The following OR2AJ1 variants were observed in gnomAD, a reference collection of about 807,000 sequenced individuals.
OR2AJ1 encodes olfactory receptor 2AJ1.
For missense variants in OR2AJ1, 280 were observed against 163.2 expected, an observed-to-expected ratio of 1.72 and a Z score of -3.90; for synonymous variants, 105 against 60.3, an observed-to-expected ratio of 1.74 and a Z score of -3.44.
Position 247,924,966 on chromosome 1 carries a change from G to C in OR2AJ1, c.-225G>C, listed in dbSNP as rs1660070784. 1 of 152,238 alleles carries C rather than the reference G, an allele frequency of 6.6e-6. No homozygotes were observed. The highest frequency in any genetic ancestry group is 1.5e-5 in the Non-Finnish European group (1 of 68,136). 9.4% of individuals were successfully genotyped at this position (152,238 alleles called of 1,614,324 possible). On this transcript the variant is annotated 5_prime_UTR_variant, in exon 1 of 2. Coordinates refer to ENST00000318244, the MANE Select transcript of OR2AJ1 (RefSeq NM_001355235.2). ...TCAAATCACATATCCCCTTCTCCCT[G>C]TAAACTGTCAGCTAATCGGAAGGAA...
At chr1:247,926,674 C>A (rs1211025843) in intron 1 of OR2AJ1, among the ~76,000 whole-genome samples, 1 of 152,200 alleles carries the variant, frequency 6.6e-6, no homozygotes, top group Non-Finnish European at 1.5e-5. Context: ...GTGGTACAAC[C>A]AGACTTAGGT....
In OR2AJ1 at chr1:247,934,159, C is replaced by T. The variant is rs61750766; in HGVS notation, c.391C>T (p.Arg131Cys). The change falls in exon 2 of 2, where the codon CGC becomes TGC. Residue 131 changes from arginine (R) to cysteine (C), a missense_variant. Physicochemically the swap from Arg to Cys is radical, Grantham distance 180. Transcript: ENST00000318244. ...CTATGTGGCTATCTGTCACCCGCTG[C>T]GCTATCCGATTCTTATGAAGGAGTA... ...DRYVAICHPL[R>C]YPILMKEYAS... 11,488 of 718,562 alleles carry T rather than the reference C, an allele frequency of 0.016. 131 individuals carry two copies. The highest frequency in any genetic ancestry group is 0.023 in the Non-Finnish European group (8,846 of 385,644). The allele number at this position is 718,562 out of a possible 1,614,324, so 44.5% of individuals were successfully genotyped here. A position where few individuals can be genotyped will look rare whatever the true frequency, so the allele number is the denominator to read the frequency against.
chr1:247,934,990 T>C lies in OR2AJ1; in HGVS notation c.*235T>C. On this transcript the variant is annotated 3_prime_UTR_variant, in exon 2 of 2. Transcript: ENST00000318244. ...GGCGTCCTATTCCCTAACACCAAAA[T>C]TGTAAGACTTATGAGAATATCCCTA... The C allele has an allele frequency of 2.6e-6, 1 of 384,688 alleles. No homozygotes were observed. Among genetic ancestry groups the C allele is most frequent in the East Asian group, 4.3e-5 (1 of 23,432 alleles). The allele number at this position is 384,688 out of a possible 1,614,324, so 23.8% of individuals were successfully genotyped here.
Position 247,934,424 on chromosome 1 carries a change from G to A in OR2AJ1, c.656G>A (p.Gly219Asp). ...TTCTCCTTGATCTCTGCTTCTTATGGCCAAATTATTCTTACTGTCCTCCAG... is the reference window on the plus strand; with the variant it reads ...TTCTCCTTGATCTCTGCTTCTTATGACCAAATTATTCTTACTGTCCTCCAG... ...IPFSLISASY[G>D]QIILTVLQMK... The change falls in exon 2 of 2, where the codon GGC becomes GAC. Residue 219 changes from glycine (G) to aspartate (D), a missense_variant. Coordinates refer to ENST00000318244, the MANE Select transcript of OR2AJ1 (RefSeq NM_001355235.2). 2.8e-6 allele frequency: 2 copies of A among 717,456 alleles called. No homozygotes were observed. Among genetic ancestry groups the A allele is most frequent in the Non-Finnish European group, 5.2e-6 (2 of 385,134 alleles). The allele number at this position is 717,456 out of a possible 1,614,324, so 44.4% of individuals were successfully genotyped here.
At position 247,925,047 on chromosome 1, in the gene OR2AJ1, T is replaced by C. The variant is rs1339097768; in HGVS notation, c.-144T>C. ...TGAGTCACTCTCAAGGACATGACAT[T>C]GAAACAAACATCTGAGTAGCATGAA... On this transcript the variant is annotated 5_prime_UTR_variant, in exon 1 of 2. Coordinates refer to ENST00000318244, the MANE Select transcript of OR2AJ1 (RefSeq NM_001355235.2). 6.6e-6 allele frequency: 1 copy of C among 152,206 alleles called. No individual in the cohort carries two copies. Among genetic ancestry groups the C allele is most frequent in the Non-Finnish European group, 1.5e-5 (1 of 68,108 alleles). The allele number at this position is 152,206 out of a possible 1,614,324, so 9.4% of individuals were successfully genotyped here. A position where few individuals can be genotyped will look rare whatever the true frequency, so the allele number is the denominator to read the frequency against.
chr1:247,925,351 CAG>C lies in OR2AJ1; in HGVS notation c.-23+186_-23+187del, dbSNP rs542449196. On this transcript the variant is annotated intron_variant, in intron 1 of 1. Transcript: ENST00000318244. ...CTGTAGATTAAACATGATGTTCTGA[CAG>C]AGCAGATTCTGAGGGGGAGAGAGTC... Among the ~76,000 whole-genome samples the C allele has an allele frequency of 5.9e-5, 9 of 152,228 alleles. No homozygotes were observed. The East Asian group carries it at 1.7e-3, about 29-fold the overall frequency.
intron 1 of OR2AJ1, among the ~76,000 whole-genome samples, chr1:247,926,537 TG>T (rs1347530338): frequency 6.6e-6 from 1 of 152,240 alleles, no homozygotes; most frequent in East Asian, 1.9e-4. Flanking sequence ...ATAATGCTAT[TG>T]CTTTTTTGAT....
intron 1 of OR2AJ1, among the ~76,000 whole-genome samples, chr1:247,925,572 T>G (rs4925782): frequency 0.71 from 107,390 of 151,430 alleles, 38,568 homozygotes; most frequent in Middle Eastern, 0.77. Flanking sequence ...CACTGGAAAT[T>G]AGAACTAAAT....
intron 1 of OR2AJ1, among the ~76,000 whole-genome samples, chr1:247,931,268 A>G (rs548772139): frequency 1.3e-5 from 2 of 152,348 alleles, no homozygotes; most frequent in Admixed American, 6.5e-5. Flanking sequence ...TTACCTCGTC[A>G]AAGAGTTTCC....
chr1:247,928,677 T>C (rs2103005121), intron 1 of OR2AJ1, among the ~76,000 whole-genome samples: 1 of 152,308 alleles, frequency 6.6e-6, no homozygotes. Context: ...CTTTTGTGAT[T>C]GGTGATCAAC....
intron 1 of OR2AJ1, among the ~76,000 whole-genome samples, chr1:247,929,453 T>C (rs747110320): frequency 6.6e-6 from 1 of 152,176 alleles, no homozygotes; most frequent in Non-Finnish European, 1.5e-5. Context: ...TCCCCTGGTA[T>C]ATAACCCCTT....
intron 1 of OR2AJ1, among the ~76,000 whole-genome samples, chr1:247,926,505 A>G (rs2103004355): frequency 6.6e-6 from 1 of 152,238 alleles, no homozygotes; most frequent in Middle Eastern, 3.4e-3. Flanking sequence ...TCGCCTTTGG[A>G]TTGAATTTTC....
At chr1:247,929,908 G>A (rs1188944511) in intron 1 of OR2AJ1, among the ~76,000 whole-genome samples, 2 of 151,988 alleles carry the variant, frequency 1.3e-5, no homozygotes, top group Admixed American at 1.3e-4. Flanking sequence ...AATAGCATAC[G>A]AATTCCTGGG....
Position 247,925,111 on chromosome 1 carries a change from C to G in OR2AJ1, c.-80C>G, listed in dbSNP as rs1660072970. Reference sequence around the variant, plus strand: ...CCATGAGGGAGGAAGGGGTGTTGAGCCCAGTGTGCTAAATGTGAAAGGCCC... The same window carrying G: ...CCATGAGGGAGGAAGGGGTGTTGAGGCCAGTGTGCTAAATGTGAAAGGCCC... On this transcript the variant is annotated 5_prime_UTR_variant, in exon 1 of 2. Transcript: ENST00000318244. 1 of 152,370 alleles carries G rather than the reference C, an allele frequency of 6.6e-6. No individual in the cohort carries two copies. Among genetic ancestry groups the G allele is most frequent in the Non-Finnish European group, 1.5e-5 (1 of 68,220 alleles). 9.4% of individuals were successfully genotyped at this position (152,370 alleles called of 1,614,324 possible). A position where few individuals can be genotyped will look rare whatever the true frequency, so the allele number is the denominator to read the frequency against.
chr1:247,934,682 T>G lies in OR2AJ1; in HGVS notation c.914T>G (p.Leu305Arg). The part of the protein sequence containing the change: ...KDVLAVMKNM[L>R]KSNFLHKKMN... The stretch of plus-strand genomic sequence containing the variant: ...GTTCTGGCGGTGATGAAAAATATGC[T>G]CAAAAGTAACTTTCTGCACAAAAAA... Residue 305 changes from leucine (L) to arginine (R), a missense_variant, in exon 2 of 2, where the codon CTC becomes CGC. Coordinates refer to ENST00000318244, the MANE Select transcript of OR2AJ1 (RefSeq NM_001355235.2). 1 of 716,408 alleles carries G rather than the reference T, an allele frequency of 1.4e-6. No homozygotes were observed. 44.4% of individuals were successfully genotyped at this position (716,408 alleles called of 1,614,324 possible).
At chr1:247,929,599 G>GGT (rs1553341471) in intron 1 of OR2AJ1, among the ~76,000 whole-genome samples, 5,647 of 147,356 alleles carry the variant, frequency 0.038, 289 homozygotes, top group African/African-American at 0.12. Flanking sequence ...CCCTTCACTC[G>GGT]GTGTGTGTGT....
At position 247,934,263 on chromosome 1, in the gene OR2AJ1, G is replaced by A. The variant is rs1158817227; in HGVS notation, c.495G>A (p.Gln165=). ...NSTVHTAYAL[Q]FPFCGSRAID... ...CAGTCCACACAGCTTATGCACTGCA[G>A]TTTCCCTTCTGTGGCTCTAGGGCAA... Residue 165 remains glutamine, a synonymous_variant, in exon 2 of 2, where the codon CAG becomes CAA. Transcript: ENST00000318244. The A allele has an allele frequency of 1.4e-6, 1 of 724,128 alleles. No homozygotes were observed. The highest frequency in any genetic ancestry group is 2.6e-5 in the East Asian group (1 of 37,872). 44.9% of individuals were successfully genotyped at this position (724,128 alleles called of 1,614,324 possible). A position where few individuals can be genotyped will look rare whatever the true frequency, so the allele number is the denominator to read the frequency against.
chr1:247,932,697 C>T (rs1461785567), intron 1 of OR2AJ1, among the ~76,000 whole-genome samples: 1 of 151,952 alleles, frequency 6.6e-6, no homozygotes, highest in African/African-American at 2.4e-5. Context: ...AGACAGAAAC[C>T]TGGACTAATG....
At chr1:247,931,929 T>C (rs142637170) in intron 1 of OR2AJ1, among the ~76,000 whole-genome samples, 134 of 152,334 alleles carry the variant, frequency 8.8e-4, no homozygotes, top group African/African-American at 3.2e-3. Flanking sequence ...TTGTCAGCAG[T>C]GTTTATTGAT....
Sources: allele counts gnomAD v4.1 joint callset (sites outside exome capture counted in the v4.1 genomes callset), GRCh38; gene constraint gnomAD v4.1.1; transcripts MANE v1.5; gene names NCBI Gene and HGNC (gene_info 2026-07-23, HGNC 2026-07-21).